The following SSBP3 variants were observed in gnomAD, a reference collection of about 807,000 sequenced individuals.
SSBP3 encodes the protein single stranded DNA binding protein 3.
A neutral mutation model predicts 69.6 loss-of-function variants in SSBP3; 5 were observed. That is an observed-to-expected ratio of 0.07 (90% CI 0.04 to 0.15). The LOEUF is 0.15. SSBP3 is among the 10% of genes least tolerant of loss of function. The pLI is 1.00. For synonymous variants in SSBP3, 196 were observed against 193.4 expected (o/e 1.01, Z -0.11); for missense variants, 312 against 534.0 (o/e 0.58, Z 4.10).
chr1:54,315,716 C>T (rs1382649131), intron 4 of SSBP3, among the ~76,000 whole-genome samples: 1 of 152,082 alleles, frequency 6.6e-6, no homozygotes, highest in Non-Finnish European at 1.5e-5. Flanking sequence ...GGCTGGGCTG[C>T]AGTTCCACAA....
chr1:54,234,085 C>T lies in SSBP3; in HGVS notation c.927+5044G>A, dbSNP rs1043737506. Among the ~76,000 whole-genome samples, 104 of 151,622 alleles carry T rather than the reference C, an allele frequency of 6.9e-4. No individual in the cohort carries two copies. The East Asian group carries it at 0.015, about 22-fold the overall frequency. ...CTCTCTGAAACATGTGCTGTGTCCA[C>T]TCAGGGTTAAATGGATTAAGGGCGG... On this transcript the variant is annotated intron_variant, in intron 14 of 17. Transcript: ENST00000610401.
intron 14 of SSBP3, among the ~76,000 whole-genome samples, chr1:54,233,538 G>A (rs1644425650): frequency 2.1e-5 from 3 of 145,828 alleles, no homozygotes; most frequent in South Asian, 2.1e-4. Context: ...GAGGGAGGTG[G>A]GGGGGGTAAG....
At chr1:54,408,803 G>A (rs1051671655), upstream of SSBP3, among the ~76,000 whole-genome samples, 1 of 152,232 alleles carries the variant, frequency 6.6e-6, no homozygotes, top group African/African-American at 2.4e-5. Context: ...GGCAAGAAGA[G>A]AGGGGTAGGG....
chr1:54,353,993 A>C (rs541690050), intron 4 of SSBP3, among the ~76,000 whole-genome samples: 2 of 152,210 alleles, frequency 1.3e-5, no homozygotes, highest in East Asian at 1.9e-4. Context: ...TAGAAACCGA[A>C]CTGGACCCAG....
At chr1:54,269,881 C>A (rs1645164060) in intron 5 of SSBP3, among the ~76,000 whole-genome samples, 1 of 152,218 alleles carries the variant, frequency 6.6e-6, no homozygotes, top group Admixed American at 6.5e-5. Context: ...GAGCACCTGA[C>A]AGAGGAGAAT....
At chr1:54,245,698 G>A (rs1252281936) in intron 9 of SSBP3, among the ~76,000 whole-genome samples, 1 of 152,246 alleles carries the variant, frequency 6.6e-6, no homozygotes, top group African/African-American at 2.4e-5. Flanking sequence ...GCTGCTCAGG[G>A]CATGGGCTTC....
chr1:54,275,043 T>G (rs1475615124), intron 5 of SSBP3, among the ~76,000 whole-genome samples: 2 of 152,162 alleles, frequency 1.3e-5, no homozygotes, highest in Non-Finnish European at 2.9e-5. Flanking sequence ...CCCAACGGTA[T>G]TCTTCCTGTC....
intron 5 of SSBP3, among the ~76,000 whole-genome samples, chr1:54,265,338 A>G (rs895332586): frequency 5.9e-5 from 9 of 151,724 alleles, no homozygotes; most frequent in Admixed American, 3.3e-4. Context: ...TAGGGTGTGT[A>G]TGTGTGTGTG....
At chr1:54,251,935 C>T in intron 7 of SSBP3, 75 bp from the exon 8 acceptor site, 1 of 1,257,572 alleles carries the variant, frequency 8.0e-7, no homozygotes, top group East Asian at 2.4e-5. Context: ...TCTACCTGTC[C>T]CACCCAGTGC....
intron 4 of SSBP3, among the ~76,000 whole-genome samples, chr1:54,392,220 G>A (rs1008425969): frequency 6.6e-6 from 1 of 152,084 alleles, no homozygotes; most frequent in South Asian, 2.1e-4. Context: ...AACATGTGGT[G>A]GGGAAACAAT....
chr1:54,385,122 G>A (rs887382504), intron 4 of SSBP3, among the ~76,000 whole-genome samples: 3 of 152,214 alleles, frequency 2.0e-5, no homozygotes, highest in Non-Finnish European at 4.4e-5. Context: ...TGAGGCCTGA[G>A]CACAGCCCCT....
intron 4 of SSBP3, among the ~76,000 whole-genome samples, chr1:54,366,870 G>GT (rs1438845470): frequency 6.6e-6 from 1 of 152,128 alleles, no homozygotes; most frequent in Non-Finnish European, 1.5e-5. Context: ...CGAAAGCTTG[G>GT]TAAGAAGTGG....
intron 4 of SSBP3, among the ~76,000 whole-genome samples, chr1:54,330,162 A>G (rs1238676843): frequency 3.3e-5 from 5 of 151,272 alleles, no homozygotes; most frequent in African/African-American, 4.8e-5. Context: ...CAGAGAAGGC[A>G]GGCCTGAAAA....
chr1:54,335,759 G>A (rs1646497279), intron 4 of SSBP3: 1 of 152,268 alleles, frequency 6.6e-6, no homozygotes, highest in Non-Finnish European at 1.5e-5. Flanking sequence ...CTGATCCCTG[G>A]AAGGTGTCAG....
chr1:54,377,984 C>A (rs567578764), intron 4 of SSBP3, among the ~76,000 whole-genome samples: 1 of 152,178 alleles, frequency 6.6e-6, no homozygotes. Flanking sequence ...TGAAGCCGTG[C>A]CGATTCACCA....
At chr1:54,229,879 C>A (rs982310290) in intron 14 of SSBP3, among the ~76,000 whole-genome samples, 2 of 152,236 alleles carry the variant, frequency 1.3e-5, no homozygotes, top group Admixed American at 1.3e-4. Flanking sequence ...AACTACCCCA[C>A]AGGAGGACAG....
intron 5 of SSBP3, among the ~76,000 whole-genome samples, chr1:54,277,385 C>T (rs912758908): frequency 1.3e-5 from 2 of 152,148 alleles, no homozygotes; most frequent in Non-Finnish European, 2.9e-5. Context: ...CGGTCTCTCC[C>T]TCCTTTTATC....
chr1:54,298,919 A>T (rs1645749396), intron 4 of SSBP3, among the ~76,000 whole-genome samples: 3 of 146,608 alleles, frequency 2.0e-5, no homozygotes, highest in Non-Finnish European at 4.4e-5. Flanking sequence ...GCTCCAAAGT[A>T]ACAAAAACAA....
intron 5 of SSBP3, among the ~76,000 whole-genome samples, chr1:54,278,331 T>C (rs1219957006): frequency 6.6e-6 from 1 of 152,118 alleles, no homozygotes. Context: ...TAGGGCTTTT[T>C]TTTTTTTTAA....
Sources: allele counts gnomAD v4.1 joint callset (sites outside exome capture counted in the v4.1 genomes callset), GRCh38; gene constraint gnomAD v4.1.1; transcripts MANE v1.5; gene names NCBI Gene and HGNC (gene_info 2026-07-23, HGNC 2026-07-21).